KCTD3: variants seen among roughly 807,000 people sequenced by gnomAD.
KCTD3 encodes the protein BTB/POZ domain-containing protein KCTD3.
In KCTD3, 41 loss-of-function variants were observed where a neutral mutation model predicts 85.8. The ratio of observed to expected loss-of-function variants is 0.48; its 90% CI spans 0.37 to 0.62. The LOEUF (loss-of-function observed/expected upper bound fraction) is 0.62, where lower values mean the gene tolerates loss of function less well. Among genes scored for constraint, KCTD3 ranks in the 20% least tolerant of loss-of-function variants. The pLI, the probability that KCTD3 is intolerant of heterozygous loss-of-function variation, is 0.00. For missense variants in KCTD3, 724 were observed against 989.9 expected, an observed-to-expected ratio of 0.73 and a Z score of 3.60; for synonymous variants, 338 against 345.4, an observed-to-expected ratio of 0.98 and a Z score of 0.24.
chr1:215,592,152 A>G (rs777025652), intron 9 of KCTD3, among the ~76,000 whole-genome samples: 152 of 152,284 alleles, frequency 1.0e-3, no homozygotes, highest in Middle Eastern at 3.4e-3. Flanking sequence ...CTCTCACAAC[A>G]CCTGGGAACT....
In KCTD3 at chr1:215,620,894, T is replaced by C. The variant is rs972366034; in HGVS notation, c.*276T>C. The C allele has an allele frequency of 2.4e-6, 1 of 411,676 alleles. No individual in the cohort carries two copies. Among genetic ancestry groups the C allele is most frequent in the Non-Finnish European group, 4.3e-6 (1 of 233,868 alleles). The allele number at this position is 411,676 out of a possible 1,614,324, so 25.5% of individuals were successfully genotyped here. ...ACCGACTTTTTTTGGTTTGGAAACA[T>C]ATTACCACGTCTTAATAGGATGGTG... On this transcript the variant is annotated 3_prime_UTR_variant, in exon 18 of 18. Transcript: ENST00000259154.
chr1:215,574,073 T>C lies in KCTD3; in HGVS notation c.138T>C (p.Ser46=), dbSNP rs772721307. ...LMWIPDSFFS[S]LLSGRISTLR... ...ACTTTAGATTATTAATGACTTCCAG[T>C]TTGCTGAGTGGGAGAATTTCAACAC... The change falls in exon 3 of 18, where the codon AGT becomes AGC. Residue 46 remains serine, a splice_region_variant and synonymous_variant. Transcript: ENST00000259154. 5 of 1,586,720 alleles carry C rather than the reference T, an allele frequency of 3.2e-6. No individual in the cohort carries two copies. In the South Asian group the frequency reaches 5.8e-5, roughly 18 times the overall value.
chr1:215,574,112 TG>T lies in KCTD3; in HGVS notation c.179del (p.Gly60ValfsTer16). On this transcript the variant is annotated frameshift_variant, in exon 3 of 18. Coordinates refer to ENST00000259154, the MANE Select transcript of KCTD3 (RefSeq NM_016121.5). LOFTEE classifies it high-confidence loss of function. The part of the protein sequence containing the change: ...GRISTLRDET[G>X]AIFIDRDPAA... The stretch of plus-strand genomic sequence containing the variant: ...GAATTTCAACACTTCGAGATGAAAC[TG>T]GTGCTGTGAGTATAATAATAATTGA... 1 of 1,577,940 alleles carries T rather than the reference TG, an allele frequency of 6.3e-7. No homozygotes were observed. The highest frequency in any genetic ancestry group is 1.2e-5 in the South Asian group (1 of 85,794).
chr1:215,612,001 GA>G, intron 15 of KCTD3, 80 bp downstream of exon 15: 1 of 914,908 alleles, frequency 1.1e-6, no homozygotes, highest in East Asian at 2.5e-5. Flanking sequence ...TTGACATATT[GA>G]CCAAAGAGTG....
Position 215,567,534 on chromosome 1 carries a change from G to A in KCTD3, c.-152G>A. ...GCTAGCGAGCCCCGCCCGGCCGCCG[G>A]GAAGGTGGGGGAAGCCCCGTGCACC... On this transcript the variant is annotated 5_prime_UTR_variant, in exon 1 of 18. Transcript: ENST00000259154. 3.1e-6 allele frequency: 1 copy of A among 321,488 alleles called. No homozygotes were observed. The highest frequency in any genetic ancestry group is 5.5e-6 in the Non-Finnish European group (1 of 182,292). The allele number at this position is 321,488 out of a possible 1,614,324, so 19.9% of individuals were successfully genotyped here.
intron 1 of KCTD3, among the ~76,000 whole-genome samples, chr1:215,569,751 T>G (rs1242053637): frequency 6.6e-6 from 1 of 152,156 alleles, no homozygotes; most frequent in Non-Finnish European, 1.5e-5. Context: ...GTTTACATTA[T>G]TTATGAAACT....
chr1:215,567,605 C>A lies in KCTD3; in HGVS notation c.-81C>A. The A allele has an allele frequency of 1.1e-6, 1 of 922,044 alleles. No individual in the cohort carries two copies. Among genetic ancestry groups the A allele is most frequent in the Non-Finnish European group, 1.4e-6 (1 of 714,508 alleles). 57.1% of individuals were successfully genotyped at this position (922,044 alleles called of 1,614,324 possible). A position where few individuals can be genotyped will look rare whatever the true frequency, so the allele number is the denominator to read the frequency against. ...CGCCCCGCTGGCCCTGCAGCCGTCG[C>A]CGCTGCCTCGGGCTACAGCCCCGGG... On this transcript the variant is annotated 5_prime_UTR_variant, in exon 1 of 18. Coordinates refer to ENST00000259154, the MANE Select transcript of KCTD3 (RefSeq NM_016121.5).
intron 9 of KCTD3, among the ~76,000 whole-genome samples, chr1:215,589,883 G>C (rs1282894912): frequency 6.6e-6 from 1 of 152,158 alleles, no homozygotes; most frequent in African/African-American, 2.4e-5. Context: ...GAGATATTAT[G>C]AATAAAGCTG....
intron 13 of KCTD3, among the ~76,000 whole-genome samples, chr1:215,604,883 A>G (rs2102593809): frequency 6.6e-6 from 1 of 152,030 alleles, no homozygotes; most frequent in African/African-American, 2.4e-5. Context: ...TGAAGAAAAT[A>G]AGCTTTTCTT....
intron 17 of KCTD3, 38 bp from the exon 18 acceptor site, chr1:215,620,019 T>A: frequency 1.4e-6 from 2 of 1,464,990 alleles, no homozygotes; most frequent in African/African-American, 1.4e-5. Context: ...AATCACAGAG[T>A]GAAATCTGAA....
Position 215,619,070 on chromosome 1 carries a change from G to A in KCTD3, c.1747G>A (p.Asp583Asn). The A allele has an allele frequency of 6.2e-7, 1 of 1,611,294 alleles. No homozygotes were observed. The change falls in exon 16 of 18, where the codon GAT (aspartate) becomes AAT (asparagine). Residue 583 changes from aspartate (D) to asparagine (N), a missense_variant and splice_region_variant. Physicochemically the swap from Asp to Asn is conservative, Grantham distance 23 (BLOSUM62 1). This residue lies in a region of KCTD3 where 136 missense variants were observed against 197.6 expected (regional missense o/e 0.69). Transcript: ENST00000259154. ...MDMVNKSEDK[D>N]VGGPTEEELL... is the part of the protein sequence containing the mutation. ...TATGGTTAACAAAAGTGAAGATAAGGGTAGGTTCTCATACAGAAAGATGTT... is the reference window on the plus strand; with the variant it reads ...TATGGTTAACAAAAGTGAAGATAAGAGTAGGTTCTCATACAGAAAGATGTT...
intron 4 of KCTD3, among the ~76,000 whole-genome samples, chr1:215,576,465 A>G (rs1204966065): frequency 1.3e-5 from 2 of 152,056 alleles, no homozygotes; most frequent in African/African-American, 2.4e-5. Flanking sequence ...CAGCTACTCT[A>G]GAGAAGAAGC....
chr1:215,575,492 C>T (rs942707756), intron 3 of KCTD3, among the ~76,000 whole-genome samples: 5 of 152,098 alleles, frequency 3.3e-5, no homozygotes, highest in African/African-American at 7.2e-5. Context: ...TATTAAAGTA[C>T]ATTGTAGTTT....
chr1:215,597,603 C>G (rs1654650819), intron 10 of KCTD3, among the ~76,000 whole-genome samples: 1 of 152,108 alleles, frequency 6.6e-6, no homozygotes, highest in African/African-American at 2.4e-5. Context: ...TGAGTGATAG[C>G]CTAGCCTCTA....
chr1:215,593,753 G>A (rs1289903021), intron 9 of KCTD3, among the ~76,000 whole-genome samples: 1 of 151,964 alleles, frequency 6.6e-6, no homozygotes, highest in Admixed American at 6.6e-5. Flanking sequence ...GTATTGTAGA[G>A]GTGAGACTTA....
chr1:215,589,248 G>A (rs1256835445), intron 9 of KCTD3, among the ~76,000 whole-genome samples: 1 of 151,918 alleles, frequency 6.6e-6, no homozygotes, highest in Non-Finnish European at 1.5e-5. Flanking sequence ...CACTCAAGCA[G>A]TCCCCCCACC....
At chr1:215,589,730 A>T (rs894873470) in intron 9 of KCTD3, among the ~76,000 whole-genome samples, 8 of 152,184 alleles carry the variant, frequency 5.3e-5, no homozygotes, top group Admixed American at 1.3e-4. Context: ...TATTAAGCAT[A>T]ATGCTTTTGA....
At chr1:215,586,390 TTTTTTTG>T in intron 8 of KCTD3, 98 bp from the exon 9 acceptor site, 4 of 957,102 alleles carry the variant, frequency 4.2e-6, no homozygotes, top group Non-Finnish European at 6.3e-6. Flanking sequence ...TGTTTAGTTT[TTTTTTTG>T]TTTTTTGTTG....
rs1417602840 is a variant in KCTD3 at position 215,620,366 on chromosome 1, T to C, written c.2196T>C (p.Ala732=). 1 of 1,613,070 alleles carries C rather than the reference T, an allele frequency of 6.2e-7. No individual in the cohort carries two copies. Among genetic ancestry groups the C allele is most frequent in the African/African-American group, 1.3e-5 (1 of 74,798 alleles). The change falls in exon 18 of 18, where the codon GCT becomes GCC. Residue 732 remains alanine (A), a synonymous_variant. Transcript: ENST00000259154. ...LDSGLEVHKI[A]EGFSESKKRS... ...GTGGATTGGAAGTGCATAAAATAGC[T>C]GAAGGTTTTTCAGAATCCAAGAAAA...
Sources: gnomAD v4.1 joint callset for allele counts (sites outside exome capture counted in the v4.1 genomes callset) on GRCh38, gnomAD v4.1.1 for gene constraint, gnomAD v4.1.1 regional missense constraint, MANE v1.5 for transcripts, NCBI Gene and HGNC (gene_info 2026-07-23, HGNC 2026-07-21) for gene names.